The following LTN1 variants were observed in gnomAD, a reference collection of about 807,000 sequenced individuals.
LTN1 encodes listerin E3 ubiquitin protein ligase 1, also known as E3 ubiquitin-protein ligase listerin.
Under a neutral mutation model 201.2 loss-of-function variants are expected in LTN1, and 88 were observed. The observed-to-expected ratio is 0.44, with a 90% CI of 0.37 to 0.52. The LOEUF is 0.52. LTN1 is among the 20% of genes least tolerant of loss of function. LTN1 has a pLI of 0.00. For missense variants in LTN1, 1,752 were observed against 2,038.7 expected (o/e 0.86, Z 2.71); for synonymous variants, 645 against 713.5 (o/e 0.90, Z 1.53).
At chr21:28,934,570 G>T (rs929442671) in intron 27 of LTN1, among the ~76,000 whole-genome samples, 2 of 152,068 alleles carry the variant, frequency 1.3e-5, no homozygotes, top group African/African-American at 2.4e-5. Context: ...CGCCATGATT[G>T]TAAGTTTCTG....
intron 16 of LTN1, 66 bp from the exon 17 acceptor site, chr21:28,953,442 C>T (rs1401069945): frequency 5.1e-6 from 6 of 1,176,820 alleles, no homozygotes; most frequent in Non-Finnish European, 7.1e-6. Context: ...ATTACTTTCA[C>T]TTCTCCACCT....
chr21:28,946,987 C>T (rs2084342831), intron 19 of LTN1, among the ~76,000 whole-genome samples: 1 of 152,202 alleles, frequency 6.6e-6, no homozygotes, highest in Non-Finnish European at 1.5e-5. Context: ...GAAACTCCTT[C>T]CTTTCTGCCA....
At position 28,992,837 on chromosome 21, in the gene LTN1, A is replaced by T. The variant is rs1335090592; in HGVS notation, c.-32T>A. On this transcript the variant is annotated 5_prime_UTR_variant, in exon 1 of 30. Coordinates refer to ENST00000361371, the MANE Select transcript of LTN1 (RefSeq NM_015565.3). ...GGTTGCAGCTGTACTCTGAGCACTC[A>T]GACCCCGGTTGACACGTCCGGGACA... 1 of 1,614,164 alleles carries T rather than the reference A, an allele frequency of 6.2e-7. No individual in the cohort carries two copies. The highest frequency in any genetic ancestry group is 8.5e-7 in the Non-Finnish European group (1 of 1,180,018).
chr21:28,978,780 G>A (rs897729461), intron 6 of LTN1, among the ~76,000 whole-genome samples: 1 of 151,862 alleles, frequency 6.6e-6, no homozygotes, highest in Non-Finnish European at 1.5e-5. Flanking sequence ...ATTATAAAAG[G>A]GACTCCTGCA....
chr21:28,933,848 G>C (rs1446379536), intron 27 of LTN1, among the ~76,000 whole-genome samples: 1 of 151,878 alleles, frequency 6.6e-6, no homozygotes, highest in African/African-American at 2.4e-5. Flanking sequence ...GGCTAATTTT[G>C]TATTTTTAGT....
intron 6 of LTN1, among the ~76,000 whole-genome samples, chr21:28,979,576 C>A (rs1244849249): frequency 6.6e-6 from 1 of 152,164 alleles, no homozygotes; most frequent in Non-Finnish European, 1.5e-5. Flanking sequence ...CAAGCACACA[C>A]AAAAGCACGT....
chr21:28,966,840 C>T lies in LTN1; in HGVS notation c.1651G>A (p.Glu551Lys). The change falls in exon 10 of 30, where the codon GAG becomes AAG. Residue 551 changes from glutamate (E) to lysine (K), a missense_variant. Glu to Lys is a moderately conservative substitution (Grantham distance 56). Transcript: ENST00000361371. Reference sequence around the variant, plus strand: ...TCTGAAGATACACATTTTTCATTCTCTTTATTGCTTTCAAGTATCTCATCA... The same window carrying T: ...TCTGAAGATACACATTTTTCATTCTTTTTATTGCTTTCAAGTATCTCATCA... ...FADEILESNK[E>K]NEKCVSSEGE... The T allele has an allele frequency of 6.2e-7, 1 of 1,611,576 alleles. No individual in the cohort carries two copies. Among genetic ancestry groups the T allele is most frequent in the Non-Finnish European group, 8.5e-7 (1 of 1,179,320 alleles).
chr21:28,941,469 G>A, intron 24 of LTN1, 63 bp from the exon 25 acceptor site: 1 of 1,290,332 alleles, frequency 7.7e-7, no homozygotes, highest in Non-Finnish European at 1.1e-6. Context: ...CAAATTGACA[G>A]TACTTGTAAA....
chr21:28,983,941 A>G (rs1047206233), intron 4 of LTN1, among the ~76,000 whole-genome samples: 1 of 152,254 alleles, frequency 6.6e-6, no homozygotes, highest in African/African-American at 2.4e-5. Flanking sequence ...ATGAGACACT[A>G]CTAGAAACAG....
rs1344214077 is a variant in LTN1 at position 28,992,848 on chromosome 21, G to C, written c.-43C>G. 1.2e-6 allele frequency: 2 copies of C among 1,613,960 alleles called. No homozygotes were observed. Among genetic ancestry groups the C allele is most frequent in the African/African-American group, 2.7e-5 (2 of 74,922 alleles). The stretch of plus-strand genomic sequence containing the variant: ...TACTCTGAGCACTCAGACCCCGGTT[G>C]ACACGTCCGGGACACAACTTCCGGC... On this transcript the variant is annotated 5_prime_UTR_variant, in exon 1 of 30. Coordinates refer to ENST00000361371, the MANE Select transcript of LTN1 (RefSeq NM_015565.3).
intron 14 of LTN1, among the ~76,000 whole-genome samples, chr21:28,958,183 C>T (rs2084442196): frequency 6.6e-6 from 1 of 152,062 alleles, no homozygotes; most frequent in Non-Finnish European, 1.5e-5. Flanking sequence ...TAAGAGATGG[C>T]ATCTCACTAT....
intron 18 of LTN1, among the ~76,000 whole-genome samples, chr21:28,948,404 G>C (rs372318322): frequency 2.7e-5 from 4 of 150,236 alleles, no homozygotes; most frequent in African/African-American, 9.8e-5. Flanking sequence ...CAAATAGCTC[G>C]GATTACAGGC....
intron 3 of LTN1, among the ~76,000 whole-genome samples, chr21:28,985,166 G>T (rs1371345055): frequency 6.6e-6 from 1 of 152,014 alleles, no homozygotes; most frequent in Non-Finnish European, 1.5e-5. Flanking sequence ...CAGATTCAAA[G>T]TTGGGCCTTG....
chr21:28,936,748 G>A, intron 25 of LTN1, 51 bp from the exon 26 acceptor site: 4 of 1,406,354 alleles, frequency 2.8e-6, no homozygotes, highest in East Asian at 2.3e-5. Flanking sequence ...CAAGACAATT[G>A]GTATAAAAGA....
At chr21:28,937,264 T>C (rs2246777) in intron 25 of LTN1, among the ~76,000 whole-genome samples, 94,115 of 152,090 alleles carry the variant, frequency 0.62, 30,084 homozygotes, top group East Asian at 0.82. Context: ...CTCCATAAAG[T>C]AGCTTGCATT....
At chr21:28,982,289 G>C (rs2084664915) in intron 5 of LTN1, 27 bp downstream of exon 5, 1 of 1,578,562 alleles carries the variant, frequency 6.3e-7, no homozygotes, top group East Asian at 2.2e-5. Flanking sequence ...TCCTTAACAT[G>C]AGTTACAATG....
intron 24 of LTN1, 62 bp downstream of exon 24, chr21:28,943,200 G>A (rs1028661829): frequency 1.0e-6 from 1 of 970,884 alleles, no homozygotes. Context: ...GTCCTCTAAA[G>A]ACATTATAAG....
rs2084431307 is a variant in LTN1, at chr21:28,957,033, T to C, written c.2893-85A>G. 4.6e-6 allele frequency: 4 copies of C among 869,438 alleles called. No individual in the cohort carries two copies. The Admixed American group carries it at 9.5e-5, about 21-fold the overall frequency. 53.9% of individuals were successfully genotyped at this position (869,438 alleles called of 1,614,324 possible). Reference sequence around the variant, plus strand: ...AAAAATGAAGTTGTGAGAATATTTATTACCAAAACCACAGAAACCTAGAAG... The same window carrying C: ...AAAAATGAAGTTGTGAGAATATTTACTACCAAAACCACAGAAACCTAGAAG... On this transcript the variant is annotated intron_variant, in intron 15 of 29. Transcript: ENST00000361371.
chr21:28,946,121 A>C (rs756393881), intron 20 of LTN1, 31 bp downstream of exon 20: 7 of 1,548,346 alleles, frequency 4.5e-6, no homozygotes, highest in Non-Finnish European at 5.2e-6. Flanking sequence ...TTGTATACTG[A>C]AGGAAAAACA....
Sources: gnomAD v4.1 joint callset for allele counts (sites outside exome capture counted in the v4.1 genomes callset) on GRCh38, gnomAD v4.1.1 for gene constraint, MANE v1.5 for transcripts, NCBI Gene and HGNC (gene_info 2026-07-23, HGNC 2026-07-21) for gene names.